IMMP1L: variants seen among roughly 807,000 people sequenced by gnomAD.
IMMP1L encodes inner mitochondrial membrane peptidase subunit 1.
A neutral mutation model predicts 21.8 loss-of-function variants in IMMP1L; 24 were observed. The observed-to-expected ratio is 1.10, with a 90% confidence interval of 0.80 to 1.55. IMMP1L has a LOEUF of 1.55. Among genes scored for constraint, IMMP1L ranks in the 40% most tolerant of loss-of-function variants. The pLI is 0.00. For missense variants in IMMP1L, 195 were observed against 200.7 expected (o/e 0.97, Z 0.17); for synonymous variants, 46 against 62.8 (o/e 0.73, Z 1.26).
At chr11:31,507,872 T>C (rs934806456) in intron 1 of IMMP1L, among the ~76,000 whole-genome samples, 1 of 152,216 alleles carries the variant, frequency 6.6e-6, no homozygotes, top group Non-Finnish European at 1.5e-5. Flanking sequence ...GGTAATGCAT[T>C]GCTAATTAGC....
At chr11:31,481,575 T>C (rs1302087571) in intron 1 of IMMP1L, among the ~76,000 whole-genome samples, 1 of 151,864 alleles carries the variant, frequency 6.6e-6, no homozygotes, top group Non-Finnish European at 1.5e-5. Context: ...ATATACATTA[T>C]GGACAAGATA....
chr11:31,463,661 C>T (rs1456146546), intron 1 of IMMP1L, among the ~76,000 whole-genome samples: 1 of 152,054 alleles, frequency 6.6e-6, no homozygotes, highest in Non-Finnish European at 1.5e-5. Flanking sequence ...AAGTTCCTTG[C>T]TATATATTAC....
chr11:31,460,758 T>C (rs1465164631), intron 2 of IMMP1L, 44 bp from the exon 3 acceptor site: 1 of 1,233,752 alleles, frequency 8.1e-7, no homozygotes, highest in South Asian at 1.3e-5. Flanking sequence ...AAATCTCTTT[T>C]AAATTTAACA....
chr11:31,475,768 C>T (rs766158558), intron 1 of IMMP1L, among the ~76,000 whole-genome samples: 2 of 151,866 alleles, frequency 1.3e-5, no homozygotes, highest in Non-Finnish European at 2.9e-5. Flanking sequence ...GAATGTATAC[C>T]ATTGAGAAGA....
At chr11:31,477,215 C>G (rs940720436) in intron 1 of IMMP1L, 1 of 152,042 alleles carries the variant, frequency 6.6e-6, no homozygotes, top group African/African-American at 2.4e-5. Context: ...CAATTCCTTA[C>G]AGCTAGACAT....
chr11:31,460,409 A>G (rs566801210), intron 3 of IMMP1L, among the ~76,000 whole-genome samples: 2 of 152,336 alleles, frequency 1.3e-5, no homozygotes, highest in African/African-American at 4.8e-5. Flanking sequence ...AAAATGATGC[A>G]AGAGATACAA....
chr11:31,475,380 A>G (rs1387928353), intron 1 of IMMP1L, among the ~76,000 whole-genome samples: 1 of 152,216 alleles, frequency 6.6e-6, no homozygotes, highest in African/African-American at 2.4e-5. Flanking sequence ...TCAAAAAGAA[A>G]TATCATTTAG....
At chr11:31,500,906 C>T (rs1421150945) in intron 1 of IMMP1L, among the ~76,000 whole-genome samples, 2 of 152,180 alleles carry the variant, frequency 1.3e-5, no homozygotes, top group Admixed American at 6.5e-5. Flanking sequence ...AAAATATTTA[C>T]TATTTGGTCT....
chr11:31,475,670 C>T (rs1592004369), intron 1 of IMMP1L, among the ~76,000 whole-genome samples: 1 of 152,172 alleles, frequency 6.6e-6, no homozygotes, highest in African/African-American at 2.4e-5. Flanking sequence ...GCCTGTGCTG[C>T]AAATTAGTAT....
chr11:31,459,163 T>C (rs1954054235), intron 3 of IMMP1L, among the ~76,000 whole-genome samples: 3 of 152,210 alleles, frequency 2.0e-5, no homozygotes, highest in African/African-American at 7.2e-5. Flanking sequence ...GGGTAAAAGA[T>C]TTGAAGAAGA....
chr11:31,507,180 G>C (rs2133846767), intron 1 of IMMP1L, among the ~76,000 whole-genome samples: 1 of 151,712 alleles, frequency 6.6e-6, no homozygotes, highest in South Asian at 2.1e-4. Flanking sequence ...TCGGGAGGCT[G>C]AGGCAGGAGA....
chr11:31,491,105 AGTTTTTG>A (rs1379140071), intron 1 of IMMP1L, among the ~76,000 whole-genome samples: 1 of 152,216 alleles, frequency 6.6e-6, no homozygotes, highest in African/African-American at 2.4e-5. Flanking sequence ...TAAGTCACCA[AGTTTTTG>A]TTCATTTGTT....
chr11:31,504,398 G>A (rs1365527826), intron 1 of IMMP1L, among the ~76,000 whole-genome samples: 1 of 152,134 alleles, frequency 6.6e-6, no homozygotes, highest in Non-Finnish European at 1.5e-5. Context: ...TAAAAAACAT[G>A]GATAGACCCT....
rs889263909 is a variant in IMMP1L, at chr11:31,507,039, G to A, written c.-30+2480C>T. Among the ~76,000 whole-genome samples the A allele has an allele frequency of 2.0e-5, 3 of 152,060 alleles. 1 individual carries two copies. The South Asian group carries it at 6.2e-4, about 32-fold the overall frequency. ...TCACACCTGTAATTCCAGCACTTTGGGAGGCCGAGGTGGGCGGATCACGAG... is the reference window on the plus strand; with the variant it reads ...TCACACCTGTAATTCCAGCACTTTGAGAGGCCGAGGTGGGCGGATCACGAG... On this transcript the variant is annotated intron_variant, in intron 1 of 5. Coordinates refer to ENST00000532287, the MANE Select transcript of IMMP1L (RefSeq NM_001304274.2).
chr11:31,457,838 A>G (rs1247782277), intron 3 of IMMP1L, among the ~76,000 whole-genome samples: 1 of 152,232 alleles, frequency 6.6e-6, no homozygotes, highest in Non-Finnish European at 1.5e-5. Context: ...TCTTGAGGCT[A>G]TTCTTGGTAA....
chr11:31,447,462 CCTT>C (rs1953565225), intron 4 of IMMP1L, among the ~76,000 whole-genome samples: 1 of 152,192 alleles, frequency 6.6e-6, no homozygotes, highest in Non-Finnish European at 1.5e-5. Flanking sequence ...TTTCTCTAAT[CCTT>C]CTTGCTTTCA....
chr11:31,436,906 T>C, intron 4 of IMMP1L, among the ~76,000 whole-genome samples: 1 of 152,306 alleles, frequency 6.6e-6, no homozygotes, highest in Non-Finnish European at 1.5e-5. Flanking sequence ...TAACTCCTCA[T>C]TACCTGAAAT....
intron 4 of IMMP1L, among the ~76,000 whole-genome samples, chr11:31,439,108 T>G (rs761119567): frequency 1.2e-4 from 19 of 152,156 alleles, no homozygotes; most frequent in Non-Finnish European, 2.6e-4. Context: ...TGGTTTGATT[T>G]TCTTTGTATT....
chr11:31,452,422 G>A (rs1016804843), intron 4 of IMMP1L: 4 of 985,154 alleles, frequency 4.1e-6, no homozygotes, highest in African/African-American at 1.7e-5. Flanking sequence ...TTAAATAGAG[G>A]TTTACTTTGC....
Sources: gnomAD v4.1 joint callset for allele counts (sites outside exome capture counted in the v4.1 genomes callset) on GRCh38, gnomAD v4.1.1 for gene constraint, MANE v1.5 for transcripts, NCBI Gene and HGNC (gene_info 2026-07-23, HGNC 2026-07-21) for gene names.